ANKRD36C: variants seen among roughly 807,000 people sequenced by gnomAD.
The protein encoded by ANKRD36C is ankyrin repeat domain-containing protein 36C.
Under a neutral mutation model 276.4 loss-of-function variants are expected in ANKRD36C, and 61 were observed. That is an observed-to-expected ratio of 0.22 (90% CI 0.18 to 0.27). ANKRD36C has a LOEUF of 0.27. Among genes scored for constraint, ANKRD36C ranks in the 10% least tolerant of loss-of-function variants. The pLI is 1.00. For synonymous variants in ANKRD36C, 483 were observed against 680.1 expected (o/e 0.71, Z 4.51); for missense variants, 1,447 against 2,032.3 (o/e 0.71, Z 5.54).
At chr2:95,978,984 G>A (rs1392856408) in intron 5 of ANKRD36C, among the ~76,000 whole-genome samples, 1 of 151,918 alleles carries the variant, frequency 6.6e-6, no homozygotes, top group African/African-American at 2.4e-5. Context: ...TAGAATGATG[G>A]TTCATCTCCA....
rs193211480 is a variant in ANKRD36C, at chr2:95,920,120, T to C, written c.2245+1487A>G. Among the ~76,000 whole-genome samples the C allele has an allele frequency of 3.9e-4, 51 of 131,784 alleles. 9 individuals are homozygous for C. Among genetic ancestry groups the C allele is most frequent in the African/African-American group, 1.3e-3 (51 of 37,904 alleles). The allele number at this position is 131,784 out of a possible 152,430, so 86.5% of individuals were successfully genotyped here. On this transcript the variant is annotated intron_variant, in intron 34 of 66. Coordinates refer to ENST00000456556, the Ensembl canonical transcript of ANKRD36C. Reference sequence around the variant, plus strand: ...AATACAGGCTCCATCAAATATATCCTTACAATTTCAAACATGGTATGATTC... The same window carrying C: ...AATACAGGCTCCATCAAATATATCCCTACAATTTCAAACATGGTATGATTC...
Position 95,928,981 on chromosome 2 carries a change from C to G in ANKRD36C, c.1837+91G>C. 1.9e-6 allele frequency: 3 copies of G among 1,574,894 alleles called. No homozygotes were observed. The South Asian group carries it at 3.4e-5, about 18-fold the overall frequency. On this transcript the variant is annotated intron_variant, in intron 26 of 66. Coordinates refer to ENST00000456556, the Ensembl canonical transcript of ANKRD36C. ...AGGCATACTGAATCAGAACATGCAG[C>G]TTAGACGAACTCCCCACTGATTTAT... is the stretch of plus-strand genomic sequence containing the variant.
intron 44 of ANKRD36C, among the ~76,000 whole-genome samples, chr2:95,892,661 A>T (rs1399265637): frequency 6.6e-6 from 1 of 151,488 alleles, no homozygotes; most frequent in Non-Finnish European, 1.5e-5. Context: ...ACTATAAATG[A>T]CCATTTTAGG....
chr2:95,913,686 A>C (rs1050299138), intron 40 of ANKRD36C, among the ~76,000 whole-genome samples: 2 of 151,428 alleles, frequency 1.3e-5, no homozygotes, highest in African/African-American at 4.8e-5. Flanking sequence ...TTGCTACACC[A>C]GGGGTCTCCT....
chr2:95,971,208 AAG>A (rs1373820249), intron 6 of ANKRD36C, among the ~76,000 whole-genome samples: 1 of 152,010 alleles, frequency 6.6e-6, no homozygotes, highest in African/African-American at 2.4e-5. Context: ...GGAATAAAAA[AAG>A]AGAGACAAAT....
At chr2:95,965,229 AAC>A (rs540582101) in intron 6 of ANKRD36C, among the ~76,000 whole-genome samples, 1 of 151,444 alleles carries the variant, frequency 6.6e-6, no homozygotes, top group Admixed American at 6.6e-5. Context: ...CACACACACA[AAC>A]ACACACACAC....
At chr2:95,866,839 A>G (rs1675691566) in intron 60 of ANKRD36C, among the ~76,000 whole-genome samples, 1 of 152,162 alleles carries the variant, frequency 6.6e-6, no homozygotes, top group Admixed American at 6.5e-5. Context: ...AACTTATCAA[A>G]TGGTACCTTT....
intron 42 of ANKRD36C, 106 bp downstream of exon 44, chr2:95,912,138 G>A (rs567734883): frequency 3.0e-5 from 43 of 1,445,610 alleles, no homozygotes; most frequent in Middle Eastern, 2.4e-4. Flanking sequence ...TCTCAGGCCT[G>A]CTGAATCAGA....
intron 24 of ANKRD36C, among the ~76,000 whole-genome samples, chr2:95,930,472 G>C (rs976411308): frequency 7.2e-5 from 11 of 151,768 alleles, no homozygotes; most frequent in Non-Finnish European, 1.6e-4. Flanking sequence ...GACTCCTGAT[G>C]TTTCTACATT....
At chr2:95,947,065 A>G (rs182680806) in intron 17 of ANKRD36C, among the ~76,000 whole-genome samples, 1 of 152,154 alleles carries the variant, frequency 6.6e-6, no homozygotes, top group East Asian at 1.9e-4. Context: ...AAAAAGAGTA[A>G]TGTATGTCCT....
At chr2:95,908,105 C>T (rs1311427051) in intron 42 of ANKRD36C, among the ~76,000 whole-genome samples, 3 of 150,682 alleles carry the variant, frequency 2.0e-5, no homozygotes, top group Admixed American at 6.6e-5. Flanking sequence ...CTAACAGTGT[C>T]TACGGGTTGT....
At chr2:95,916,759 G>C (rs1001548798) in intron 36 of ANKRD36C, among the ~76,000 whole-genome samples, 3 of 151,630 alleles carry the variant, frequency 2.0e-5, no homozygotes, top group African/African-American at 7.3e-5. Context: ...CACCCATGTG[G>C]TGTAATAATT....
At chr2:95,910,628 A>G in intron 42 of ANKRD36C, 60 bp from the exon 45 acceptor site, 1 of 1,599,762 alleles carries the variant, frequency 6.3e-7, no homozygotes, top group Non-Finnish European at 8.5e-7. Flanking sequence ...ATATCCATAC[A>G]TTCATGCAGC....
At chr2:95,849,166 T>G (rs1036476203), downstream of ANKRD36C, among the ~76,000 whole-genome samples, 12 of 152,150 alleles carry the variant, frequency 7.9e-5, no homozygotes, top group African/African-American at 2.4e-4. Flanking sequence ...TTCAAGTGAT[T>G]CTCCCACCTC....
intron 17 of ANKRD36C, among the ~76,000 whole-genome samples, chr2:95,947,789 T>C (rs956428908): frequency 6.6e-5 from 10 of 152,158 alleles, no homozygotes; most frequent in African/African-American, 2.4e-4. Context: ...CTACTATAGA[T>C]GTGAGAACAG....
chr2:95,910,380 A>T (rs1383647684), intron 42 of ANKRD36C: 2 of 1,540,598 alleles, frequency 1.3e-6, no homozygotes, highest in Non-Finnish European at 1.7e-6. Flanking sequence ...TACCTGTCCT[A>T]GATTTTTCTC....
intron 8 of ANKRD36C, among the ~76,000 whole-genome samples, chr2:95,962,109 T>C (rs1307094294): frequency 6.6e-6 from 1 of 152,024 alleles, no homozygotes; most frequent in African/African-American, 2.4e-5. Context: ...GCCTGTTATA[T>C]CTTGCACTGC....
intron 59 of ANKRD36C, among the ~76,000 whole-genome samples, chr2:95,868,485 C>A (rs1261919516): frequency 6.6e-6 from 1 of 151,880 alleles, no homozygotes; most frequent in Non-Finnish European, 1.5e-5. Context: ...GGGTTTCTTG[C>A]TTTTGTACTT....
Position 95,938,969 on chromosome 2 carries a change from T to C in ANKRD36C, c.1560+18A>G. 6.5e-7 allele frequency: 1 copy of C among 1,533,668 alleles called. No individual in the cohort carries two copies. The highest frequency in any genetic ancestry group is 1.7e-4 in the Middle Eastern group (1 of 5,970). On this transcript the variant is annotated intron_variant, in intron 21 of 66. Coordinates refer to ENST00000456556, the Ensembl canonical transcript of ANKRD36C. ...TATCACAGAGCATTTTGTTAATAAT[T>C]AAAGAAAATATGTTTACCGTGAATA... is the stretch of plus-strand genomic sequence containing the variant.
Sources: gnomAD v4.1 joint callset for allele counts (sites outside exome capture counted in the v4.1 genomes callset) on GRCh38, gnomAD v4.1.1 for gene constraint, MANE v1.5 for transcripts, NCBI Gene and HGNC (gene_info 2026-07-23, HGNC 2026-07-21) for gene names.